The following RHEB variants were observed in gnomAD, a reference collection of about 807,000 sequenced individuals.
The protein encoded by RHEB is Ras homolog, mTORC1 binding.
A neutral mutation model predicts 28.8 loss-of-function variants in RHEB; 2 were observed. That is an observed-to-expected ratio of 0.07 (90% confidence interval 0.03 to 0.22). The LOEUF is 0.22. Among genes scored for constraint, RHEB ranks in the 10% least tolerant of loss-of-function variants. The pLI is 1.00. For missense variants in RHEB, 76 were observed against 219.9 expected, an observed-to-expected ratio of 0.35 and a Z score of 4.14; for synonymous variants, 69 against 77.3, an observed-to-expected ratio of 0.89 and a Z score of 0.56.
At chr7:151,480,811 A>G (rs1039175474) in intron 3 of RHEB, among the ~76,000 whole-genome samples, 2 of 151,946 alleles carry the variant, frequency 1.3e-5, no homozygotes, top group Non-Finnish European at 2.9e-5. Context: ...CGGCCTCCCA[A>G]GTAGCTGGGA....
At chr7:151,477,881 G>C (rs1376986457) in intron 3 of RHEB, among the ~76,000 whole-genome samples, 1 of 152,036 alleles carries the variant, frequency 6.6e-6, no homozygotes, top group Non-Finnish European at 1.5e-5. Context: ...CAGTCTACAG[G>C]TTGCTAGAGG....
At chr7:151,491,496 G>A (rs1245036733) in intron 1 of RHEB, among the ~76,000 whole-genome samples, 4 of 152,330 alleles carry the variant, frequency 2.6e-5, no homozygotes, top group Middle Eastern at 3.4e-3. Flanking sequence ...AGCACTTTGG[G>A]AGGCTGAGGC....
chr7:151,490,774 GA>G, intron 2 of RHEB, among the ~76,000 whole-genome samples, 168 bp downstream of exon 2: 1 of 152,174 alleles, frequency 6.6e-6, no homozygotes, highest in Non-Finnish European at 1.5e-5. Context: ...GACATGGAAG[GA>G]AAAATCTTTC....
intron 3 of RHEB, among the ~76,000 whole-genome samples, chr7:151,478,898 G>C (rs1802323435): frequency 6.6e-6 from 1 of 151,966 alleles, no homozygotes; most frequent in Admixed American, 6.6e-5. Flanking sequence ...GCCTCCCAAA[G>C]TGCTGGGATT....
chr7:151,495,671 C>T (rs1802659800), intron 1 of RHEB, among the ~76,000 whole-genome samples: 1 of 152,166 alleles, frequency 6.6e-6, no homozygotes, highest in African/African-American at 2.4e-5. Context: ...AACTTATTAG[C>T]CCGGTGTGGT....
chr7:151,519,808 C>T lies in RHEB; in HGVS notation c.-297G>A, dbSNP rs1224998095. The T allele has an allele frequency of 4.8e-5, 14 of 290,212 alleles. No individual in the cohort carries two copies. The highest frequency in any genetic ancestry group is 7.7e-5 in the Non-Finnish European group (12 of 156,312). The allele number at this position is 290,212 out of a possible 1,614,324, so 18.0% of individuals were successfully genotyped here. ...GAAATACGCGGGGGGTGCGTCGGGG[C>T]GACGTTTTACTTTAAAGGCAAAAAA... On this transcript the variant is annotated 5_prime_UTR_variant, in exon 1 of 8. Transcript: ENST00000262187.
chr7:151,492,034 C>A (rs901093528), intron 1 of RHEB, among the ~76,000 whole-genome samples: 4 of 152,154 alleles, frequency 2.6e-5, no homozygotes, highest in African/African-American at 9.7e-5. Context: ...GACTTTATCA[C>A]CAGGAATGAG....
chr7:151,497,678 GTGAC>G (rs923551607), intron 1 of RHEB, among the ~76,000 whole-genome samples: 1 of 152,168 alleles, frequency 6.6e-6, no homozygotes, highest in Admixed American at 6.5e-5. Flanking sequence ...ATCAAACACA[GTGAC>G]TGGAGCTCCT....
intron 6 of RHEB, 93 bp from the exon 7 acceptor site, chr7:151,470,745 A>G: frequency 1.2e-6 from 1 of 830,026 alleles, no homozygotes; most frequent in Non-Finnish European, 1.9e-6. Flanking sequence ...CATTTTGGTC[A>G]ATTTCTTTCT....
Position 151,501,002 on chromosome 7 carries a change from A to G in RHEB, c.53-9988T>C, listed in dbSNP as rs550288491. ...CTGTCTCCAAAATCAAAAAAATCAT[A>G]GACCTAAATGTAAAAACTATCAAAC... On this transcript the variant is annotated intron_variant, in intron 1 of 7. Coordinates refer to ENST00000262187, the MANE Select transcript of RHEB (RefSeq NM_005614.4). Among the ~76,000 whole-genome samples, 301 of 152,326 alleles carry G rather than the reference A, an allele frequency of 2.0e-3. 1 individual carries two copies. Among genetic ancestry groups the G allele is most frequent in the African/African-American group, 7.0e-3 (292 of 41,562 alleles).
At chr7:151,467,461 C>T (rs998645239) in intron 7 of RHEB, among the ~76,000 whole-genome samples, 2 of 151,978 alleles carry the variant, frequency 1.3e-5, no homozygotes, top group African/African-American at 2.4e-5. Context: ...AGGAGACGCC[C>T]GAAGAGTCCT....
rs921342564 is a variant in RHEB, at chr7:151,500,872, T to C, written c.53-9858A>G. On this transcript the variant is annotated intron_variant, in intron 1 of 7. Transcript: ENST00000262187. Reference sequence around the variant, plus strand: ...GGTGGTGTGCTCTTGTGGTACCAGCTACTGGGGAGGATGAGGTGGAAGGAT... The same window carrying C: ...GGTGGTGTGCTCTTGTGGTACCAGCCACTGGGGAGGATGAGGTGGAAGGAT... Among the ~76,000 whole-genome samples the C allele has an allele frequency of 2.0e-5, 3 of 152,114 alleles. No individual in the cohort carries two copies. The East Asian group carries it at 5.8e-4, about 29-fold the overall frequency.
intron 4 of RHEB, among the ~76,000 whole-genome samples, chr7:151,476,602 T>C (rs1322461495): frequency 1.3e-5 from 2 of 152,210 alleles, no homozygotes; most frequent in Non-Finnish European, 2.9e-5. Context: ...AAATAAGTAA[T>C]GTATCATATG....
At position 151,472,924 on chromosome 7, in the gene RHEB, G is replaced by A. The variant is rs1242055618; in HGVS notation, c.276-1319C>T. Among the ~76,000 whole-genome samples the A allele has an allele frequency of 1.3e-5, 2 of 152,214 alleles. No homozygotes were observed. Among genetic ancestry groups the A allele is most frequent in the South Asian group, 2.1e-4 (1 of 4,834 alleles). Reference sequence around the variant, plus strand: ...ACCTGCGGTTGCATTACAGAACCACGGTTTCCTCCGCATGCTGTATTTGCC... The same window carrying A: ...ACCTGCGGTTGCATTACAGAACCACAGTTTCCTCCGCATGCTGTATTTGCC... On this transcript the variant is annotated intron_variant, in intron 4 of 7. Transcript: ENST00000262187. This position sits in a 1 kb window ranked among gnomAD's most constrained non-coding sequence, Gnocchi z 5.2.
At chr7:151,471,492 C>T in intron 5 of RHEB, 51 bp from the exon 6 acceptor site, 1 of 1,543,734 alleles carries the variant, frequency 6.5e-7, no homozygotes, top group Non-Finnish European at 8.9e-7. Context: ...TTGTATTGCT[C>T]AGAAGATACT....
intron 1 of RHEB, among the ~76,000 whole-genome samples, chr7:151,494,327 G>T (rs1414994822): frequency 6.6e-6 from 1 of 152,196 alleles, no homozygotes; most frequent in African/African-American, 2.4e-5. Context: ...AACCTGACTT[G>T]CGGGAGTGAA....
intron 3 of RHEB, among the ~76,000 whole-genome samples, chr7:151,478,300 G>A (rs1198055705): frequency 1.3e-5 from 2 of 151,138 alleles, no homozygotes; most frequent in African/African-American, 4.9e-5. Context: ...TTAAGCAGCA[G>A]TCTATTATTT....
chr7:151,498,319 A>C, intron 1 of RHEB: 1 of 416,996 alleles, frequency 2.4e-6, no homozygotes, highest in Non-Finnish European at 4.8e-6. Flanking sequence ...AATAGAACTC[A>C]ATGAGTACCA....
chr7:151,488,089 G>A (rs1444904453), intron 2 of RHEB, among the ~76,000 whole-genome samples: 1 of 152,202 alleles, frequency 6.6e-6, no homozygotes, highest in African/African-American at 2.4e-5. Context: ...GATGGCAGAA[G>A]TCGGAAATTG....
Sources: gnomAD v4.1 joint callset for allele counts (sites outside exome capture counted in the v4.1 genomes callset) on GRCh38, gnomAD v4.1.1 for gene constraint, Gnocchi (gnomAD v3.1) non-coding constraint, MANE v1.5 for transcripts, NCBI Gene and HGNC (gene_info 2026-07-23, HGNC 2026-07-21) for gene names.